PPP3CA: variants seen among roughly 807,000 people sequenced by gnomAD.
The protein encoded by PPP3CA is protein phosphatase 3 catalytic subunit alpha, also known as CAM-PRP catalytic subunit.
PPP3CA carries 14 observed loss-of-function variants against 66.5 expected under a neutral mutation model. The ratio of observed to expected loss-of-function variants is 0.21; its 90% CI spans 0.14 to 0.33. The LOEUF is 0.33. PPP3CA is among the 10% of genes least tolerant of loss of function. The probability of loss-of-function intolerance (pLI) is 1.00; values close to 1 mark genes in which losing one functional copy is unlikely to be tolerated. For missense variants in PPP3CA, 317 were observed against 639.5 expected (o/e 0.50, Z 5.44); for synonymous variants, 232 against 226.2 (o/e 1.03, Z -0.23).
chr4:101,263,356 A>C (rs1357857456), intron 1 of PPP3CA, among the ~76,000 whole-genome samples: 3 of 152,184 alleles, frequency 2.0e-5, no homozygotes, highest in Admixed American at 6.5e-5. Flanking sequence ...AGAATTTCTA[A>C]GAGTGGGGTC....
chr4:101,332,997 T>G (rs1578199389), intron 1 of PPP3CA, among the ~76,000 whole-genome samples: 2 of 152,268 alleles, frequency 1.3e-5, no homozygotes, highest in East Asian at 3.9e-4. Flanking sequence ...CTAGCTTACG[T>G]CTGAGCCCTC....
intron 1 of PPP3CA, among the ~76,000 whole-genome samples, chr4:101,328,678 G>A (rs1026499041): frequency 1.3e-5 from 2 of 152,086 alleles, no homozygotes; most frequent in African/African-American, 4.8e-5. Flanking sequence ...CAAGTCTAGC[G>A]GTGCCATTTT....
rs561237552 is a variant in PPP3CA at position 101,226,294 on chromosome 4, AGTT to A, written c.59-30181_59-30179del. Among the ~76,000 whole-genome samples the A allele has an allele frequency of 1.6e-4, 25 of 151,826 alleles. No homozygotes were observed. In the South Asian group the frequency reaches 5.2e-3, roughly 32 times the overall value. The stretch of plus-strand genomic sequence containing the variant: ...CCTGTCTCCTTCCTTTCTCCACCCT[AGTT>A]GTTGTCATATCCAGCACCTGGCAAA... On this transcript the variant is annotated intron_variant, in intron 1 of 13. Transcript: ENST00000394854.
At chr4:101,194,774 C>A (rs1000059869) in intron 2 of PPP3CA, among the ~76,000 whole-genome samples, 2 of 151,942 alleles carry the variant, frequency 1.3e-5, no homozygotes, top group Non-Finnish European at 2.9e-5. Flanking sequence ...ACTATGTTGG[C>A]CAGGCTGGTC....
chr4:101,177,706 A>T (rs1724107505), intron 2 of PPP3CA, among the ~76,000 whole-genome samples: 1 of 152,090 alleles, frequency 6.6e-6, no homozygotes, highest in Admixed American at 6.6e-5. Flanking sequence ...TGAATTTTTG[A>T]ATTTTCTATT....
chr4:101,040,283 A>T (rs1727454494), intron 11 of PPP3CA, among the ~76,000 whole-genome samples, 199 bp downstream of exon 11: 1 of 152,244 alleles, frequency 6.6e-6, no homozygotes, highest in Non-Finnish European at 1.5e-5. Flanking sequence ...AACAGAAATA[A>T]TTTAGTAGAT....
At chr4:101,184,501 TA>T (rs906278287) in intron 2 of PPP3CA, among the ~76,000 whole-genome samples, 2 of 152,000 alleles carry the variant, frequency 1.3e-5, no homozygotes, top group East Asian at 1.9e-4. Flanking sequence ...AAAGACTTAG[TA>T]AAAAAAAGAG....
At chr4:101,032,392 AACTTTTAATTT>A (rs1441502016) in intron 11 of PPP3CA, 28 bp from the exon 12 acceptor site, 1 of 1,561,422 alleles carries the variant, frequency 6.4e-7, no homozygotes, top group East Asian at 2.3e-5. Flanking sequence ...GGGCGACATT[AACTTTTAATTT>A]CTTTTGTGAA....
intron 1 of PPP3CA, among the ~76,000 whole-genome samples, chr4:101,297,549 T>C (rs1289469315): frequency 1.3e-5 from 2 of 152,128 alleles, no homozygotes; most frequent in East Asian, 3.9e-4. Flanking sequence ...TCATGGCCAA[T>C]TGTACCTGCG....
intron 4 of PPP3CA, 143 bp from the exon 5 acceptor site, chr4:101,098,655 A>C: frequency 1.5e-6 from 1 of 651,420 alleles, no homozygotes; most frequent in Non-Finnish European, 2.5e-6. Flanking sequence ...AAACATAATT[A>C]AGATTTTCTG....
intron 10 of PPP3CA, among the ~76,000 whole-genome samples, chr4:101,041,185 C>T (rs1407022811): frequency 6.6e-6 from 1 of 152,044 alleles, no homozygotes; most frequent in East Asian, 1.9e-4. Context: ...TAGTAAGAGA[C>T]AATGGCACCA....
chr4:101,289,036 C>T (rs574552271), intron 1 of PPP3CA, among the ~76,000 whole-genome samples: 13 of 150,036 alleles, frequency 8.7e-5, no homozygotes, highest in African/African-American at 3.0e-4. Context: ...CTCTTACTTA[C>T]CGGTTTCAAT....
chr4:101,115,343 G>T (rs948175184), intron 2 of PPP3CA, among the ~76,000 whole-genome samples: 4 of 151,892 alleles, frequency 2.6e-5, no homozygotes, highest in African/African-American at 9.7e-5. Context: ...AGATAAACAT[G>T]ACCAGAACCA....
In PPP3CA at chr4:101,084,643, C is replaced by CA. The variant is rs1206180027; in HGVS notation, c.783-1381dup. On this transcript the variant is annotated intron_variant, in intron 6 of 13. Transcript: ENST00000394854. ...GGGCGACAAGAGTGAAACTCCATCT[C>CA]AAAAAAAAAAAAAGAAAGATAACAT... is the stretch of plus-strand genomic sequence containing the variant. Among the ~76,000 whole-genome samples the CA allele has an allele frequency of 8.1e-3, 921 of 114,294 alleles. 4 individuals are homozygous for CA. The highest frequency in any genetic ancestry group is 0.011 in the African/African-American group (344 of 30,674). 75.0% of individuals were successfully genotyped at this position (114,294 alleles called of 152,430 possible).
chr4:101,153,492 G>C (rs1311704185), intron 2 of PPP3CA, among the ~76,000 whole-genome samples: 1 of 152,096 alleles, frequency 6.6e-6, no homozygotes, highest in African/African-American at 2.4e-5. Context: ...TAAACACTTG[G>C]TACATGGAAT....
chr4:101,133,785 C>A (rs1007355322), intron 2 of PPP3CA, among the ~76,000 whole-genome samples: 1 of 152,018 alleles, frequency 6.6e-6, no homozygotes, highest in African/African-American at 2.4e-5. Context: ...CCCATATAAC[C>A]AAGACAATCC....
intron 2 of PPP3CA, among the ~76,000 whole-genome samples, chr4:101,155,800 TC>T (rs1447311026): frequency 6.6e-6 from 1 of 152,236 alleles, no homozygotes; most frequent in Non-Finnish European, 1.5e-5. Context: ...AATTTTATTC[TC>T]AAAGCAGGAA....
At chr4:101,074,285 C>G (rs377760683) in intron 8 of PPP3CA, among the ~76,000 whole-genome samples, 22 of 152,228 alleles carry the variant, frequency 1.4e-4, no homozygotes, top group African/African-American at 5.3e-4. Context: ...CTTTCGGAGA[C>G]CCCTCATCTC....
chr4:101,116,986 G>A (rs1721856103), intron 2 of PPP3CA, among the ~76,000 whole-genome samples: 1 of 151,426 alleles, frequency 6.6e-6, no homozygotes, highest in Admixed American at 6.6e-5. Flanking sequence ...ATATATATAT[G>A]AAATTGCAAG....
Sources: gnomAD v4.1 joint callset for allele counts (sites outside exome capture counted in the v4.1 genomes callset) on GRCh38, gnomAD v4.1.1 for gene constraint, MANE v1.5 for transcripts, NCBI Gene and HGNC (gene_info 2026-07-23, HGNC 2026-07-21) for gene names.